AHRR: variants seen among roughly 807,000 people sequenced by gnomAD.
The protein encoded by AHRR is aryl hydrocarbon receptor repressor.
AHRR carries 28 observed loss-of-function variants against 44.0 expected under a neutral mutation model. The ratio of observed to expected loss-of-function variants is 0.64; its 90% CI spans 0.47 to 0.87. AHRR has a LOEUF of 0.87. AHRR is among the 40% of genes least tolerant of loss of function. The pLI, the probability that AHRR is intolerant of heterozygous loss-of-function variation, is 0.00. For missense variants in AHRR, 990 were observed against 953.9 expected, an observed-to-expected ratio of 1.04 and a Z score of -0.50; for synonymous variants, 434 against 407.0, an observed-to-expected ratio of 1.07 and a Z score of -0.80.
In AHRR at chr5:406,483, A is replaced by G. The variant is rs1735265217; in HGVS notation, c.352-6861A>G. 6.6e-6 allele frequency among the ~76,000 whole-genome samples: 1 copy of G among 152,250 alleles called. No individual in the cohort carries two copies. The highest frequency in any genetic ancestry group is 2.4e-5 in the African/African-American group (1 of 41,456). On this transcript the variant is annotated intron_variant, in intron 4 of 10. Coordinates refer to ENST00000684583, the MANE Select transcript of AHRR (RefSeq NM_001377236.1). The surrounding 1 kb of genome is among the most constrained non-coding windows in gnomAD (Gnocchi z 4.7). ...TAAGGAAGAACAGGAAGTTGTCTCA[A>G]AATAAAGGGGGATCAGGTGGCTGGT...
At chr5:429,208 G>T (rs536171755) in intron 8 of AHRR, among the ~76,000 whole-genome samples, 1 of 151,824 alleles carries the variant, frequency 6.6e-6, no homozygotes, top group South Asian at 2.1e-4. Context: ...GGGCTGCCAG[G>T]ATGCCAGAGA....
In AHRR at chr5:370,873, G is replaced by C. The variant is rs193258852; in HGVS notation, c.245-5737G>C. On this transcript the variant is annotated intron_variant, in intron 3 of 10. Transcript: ENST00000684583. This position sits in a 1 kb window ranked among gnomAD's most constrained non-coding sequence, Gnocchi z 4.5. Reference sequence around the variant, plus strand: ...GCCTTGGAGGCACCCAGAGCACAGAGGCTGGGCCTGGTGTGGAGCTCTCGG... The same window carrying C: ...GCCTTGGAGGCACCCAGAGCACAGACGCTGGGCCTGGTGTGGAGCTCTCGG... Among the ~76,000 whole-genome samples, 91 of 152,352 alleles carry C rather than the reference G, an allele frequency of 6.0e-4. No individual in the cohort carries two copies. In the East Asian group the frequency reaches 0.011, roughly 19 times the overall value.
intron 4 of AHRR, among the ~76,000 whole-genome samples, chr5:402,803 C>A (rs1735073925): frequency 6.6e-6 from 1 of 152,156 alleles, no homozygotes; most frequent in Non-Finnish European, 1.5e-5. Context: ...TGCATGTCCA[C>A]CAGTGAATGC....
At chr5:402,318 G>A (rs1735047426) in intron 4 of AHRR, among the ~76,000 whole-genome samples, 1 of 151,886 alleles carries the variant, frequency 6.6e-6, no homozygotes, top group Non-Finnish European at 1.5e-5. Context: ...GGAGAGAAGG[G>A]GACCCTCGTG....
intron 5 of AHRR, chr5:418,979 T>G (rs1245969701): frequency 6.6e-6 from 1 of 152,384 alleles, no homozygotes; most frequent in African/African-American, 2.4e-5. Flanking sequence ...ATTCCCTAGA[T>G]GCGGGGAGTG....
rs538702694 is a variant in AHRR, at chr5:325,242, G to A, written c.-11+3423G>A. 4.6e-5 allele frequency among the ~76,000 whole-genome samples: 7 copies of A among 152,352 alleles called. No individual in the cohort carries two copies. In the South Asian group the frequency reaches 1.4e-3, roughly 32 times the overall value. On this transcript the variant is annotated intron_variant, in intron 1 of 10. Transcript: ENST00000684583. ...GCTCTGCACTCATTTGGGGACGAGG[G>A]TTGGTCAGGCTGGTGGTGCCTGGGC...
chr5:340,843 T>C (rs1742323914), intron 1 of AHRR, among the ~76,000 whole-genome samples: 1 of 137,788 alleles, frequency 7.3e-6, no homozygotes, highest in Non-Finnish European at 1.6e-5. Flanking sequence ...ATTACAGGCA[T>C]GCGCCACCAT....
intron 5 of AHRR, 119 bp downstream of exon 5, chr5:413,552 C>A: frequency 1.3e-6 from 1 of 750,474 alleles, no homozygotes; most frequent in Non-Finnish European, 2.2e-6. Context: ...TATCACTGAG[C>A]TCTTATCAGA....
chr5:427,637 G>GC (rs2126541553), intron 7 of AHRR, 170 bp from the exon 8 acceptor site: 16 of 1,613,344 alleles, frequency 9.9e-6, no homozygotes, highest in East Asian at 2.2e-5. Context: ...CACTCTGCAG[G>GC]CCCGGGGGTC....
chr5:426,007 C>T (rs1736370852), intron 7 of AHRR, among the ~76,000 whole-genome samples: 2 of 152,198 alleles, frequency 1.3e-5, no homozygotes, highest in African/African-American at 4.8e-5. Flanking sequence ...CTGAAATTAA[C>T]TTGGGAGCTT....
At chr5:425,711 A>G (rs1736355633) in intron 7 of AHRR, among the ~76,000 whole-genome samples, 1 of 152,272 alleles carries the variant, frequency 6.6e-6, no homozygotes. Flanking sequence ...TTGTCAAACA[A>G]AGAACTGAAT....
At chr5:391,052 A>AGG (rs58258736) in intron 4 of AHRR, among the ~76,000 whole-genome samples, 1 of 4,182 alleles carries the variant, frequency 2.4e-4, no homozygotes, top group Non-Finnish European at 1.4e-3. Context: ...ATCCTCAGAC[A>AGG]GACGGGAGAG....
rs528127528 is a variant in AHRR at position 344,862 on chromosome 5, CTG to C, written c.62+901_62+902del. Among the ~76,000 whole-genome samples, 149 of 77,276 alleles carry C rather than the reference CTG, an allele frequency of 1.9e-3. 5 individuals are homozygous for C. Among genetic ancestry groups the C allele is most frequent in the East Asian group, 0.018 (57 of 3,090 alleles). 50.7% of individuals were successfully genotyped at this position (77,276 alleles called of 152,430 possible). On this transcript the variant is annotated intron_variant, in intron 2 of 10. Transcript: ENST00000684583. Reference sequence around the variant, plus strand: ...AGCTGTGTGTGTGGGGTGTGTGAGACTGTGCAGGTGTGCAGGTGTGCGAAGCT... The same window carrying C: ...AGCTGTGTGTGTGGGGTGTGTGAGACTGCAGGTGTGCAGGTGTGCGAAGCT...
intron 5 of AHRR, among the ~76,000 whole-genome samples, chr5:414,169 A>T (rs1735602322): frequency 6.6e-6 from 1 of 152,192 alleles, no homozygotes; most frequent in Non-Finnish European, 1.5e-5. Context: ...AGGCTGAGGC[A>T]GGAGAATAGC....
Position 427,846 on chromosome 5 carries a change from C to A in AHRR, c.748C>A (p.Gln250Lys). Reference protein sequence around the residue: ...FQGKLKFLFGQKKKAPSGAML... With the variant: ...FQGKLKFLFGKKKKAPSGAML... ...AGGAAAACTAAAATTCCTGTTTGGA[C>A]AGAAGAAGAAGGCGCCGTCAGGAGC... The change falls in exon 8 of 11, where the codon CAG (glutamine) becomes AAG (lysine). Residue 250 changes from glutamine to lysine, a missense_variant. Transcript: ENST00000684583. 1 of 1,614,174 alleles carries A rather than the reference C, an allele frequency of 6.2e-7. No homozygotes were observed. Among genetic ancestry groups the A allele is most frequent in the Non-Finnish European group, 8.5e-7 (1 of 1,180,044 alleles).
At chr5:373,527 G>A (rs1302924220) in intron 3 of AHRR, among the ~76,000 whole-genome samples, 3 of 152,206 alleles carry the variant, frequency 2.0e-5, no homozygotes, top group Admixed American at 1.3e-4. Context: ...CAATGCCCAG[G>A]AAGGACACCG....
intron 1 of AHRR, among the ~76,000 whole-genome samples, chr5:328,181 T>C (rs1741779981): frequency 1.3e-5 from 2 of 151,372 alleles, no homozygotes; most frequent in Admixed American, 6.6e-5. Context: ...CTGTTTTCCA[T>C]AGAGGCTGTA....
At position 395,101 on chromosome 5, in the gene AHRR, C is replaced by T. The variant is rs921762913; in HGVS notation, c.352-18243C>T. Among the ~76,000 whole-genome samples, 4 of 152,206 alleles carry T rather than the reference C, an allele frequency of 2.6e-5. No individual in the cohort carries two copies. Among genetic ancestry groups the T allele is most frequent in the African/African-American group, 9.6e-5 (4 of 41,452 alleles). On this transcript the variant is annotated intron_variant, in intron 4 of 10. Transcript: ENST00000684583. This position sits in a 1 kb window ranked among gnomAD's most constrained non-coding sequence, Gnocchi z 5.3. ...GTATTTTGACTGTGACCCCAAAGCCCCTGCCCTGGGCCGTGGCTCCCAATC... is the reference window on the plus strand; with the variant it reads ...GTATTTTGACTGTGACCCCAAAGCCTCTGCCCTGGGCCGTGGCTCCCAATC...
intron 4 of AHRR, among the ~76,000 whole-genome samples, chr5:412,137 C>T (rs188506663): frequency 2.0e-5 from 3 of 152,238 alleles, no homozygotes; most frequent in African/African-American, 4.8e-5. Flanking sequence ...CAAAATCCCA[C>T]GATGATTACG....
Sources: gnomAD v4.1 joint callset for allele counts (sites outside exome capture counted in the v4.1 genomes callset) on GRCh38, gnomAD v4.1.1 for gene constraint, Gnocchi (gnomAD v3.1) non-coding constraint, MANE v1.5 for transcripts, NCBI Gene and HGNC (gene_info 2026-07-23, HGNC 2026-07-21) for gene names.